MYO5C: variants seen among roughly 807,000 people sequenced by gnomAD.
The protein encoded by MYO5C is myosin VC.
Under a neutral mutation model 235.7 loss-of-function variants are expected in MYO5C, and 194 were observed. The ratio of observed to expected loss-of-function variants is 0.82; its 90% CI spans 0.73 to 0.93. MYO5C has a LOEUF of 0.93. Among genes scored for constraint, MYO5C ranks in the 40% least tolerant of loss-of-function variants. The probability of loss-of-function intolerance (pLI) is 0.00; values close to 1 mark genes in which losing one functional copy is unlikely to be tolerated. For missense variants in MYO5C, 2,038 were observed against 2,127.2 expected (o/e 0.96, Z 0.82); for synonymous variants, 707 against 754.8 (o/e 0.94, Z 1.04).
chr15:52,225,531 G>C lies in MYO5C; in HGVS notation c.3209C>G (p.Thr1070Arg). 6.2e-7 allele frequency: 1 copy of C among 1,606,490 alleles called. No homozygotes were observed. The highest frequency in any genetic ancestry group is 8.5e-7 in the Non-Finnish European group (1 of 1,173,906). ...TATCTCTTTTTCGAACTCAGAGATT[G>C]TCTGAATCACAGCAATGACGGAATC... ...EVARLSKQVK[T>R]ISEFEKEIEL... Residue 1070 changes from threonine (T) to arginine (R), a missense_variant and splice_region_variant, in exon 26 of 41, where the codon ACA becomes AGA. By Grantham distance (71) the Thr-to-Arg change is moderately conservative. Transcript: ENST00000261839.
At chr15:52,286,982 A>AACAC (rs2037290323) in intron 1 of MYO5C, among the ~76,000 whole-genome samples, 1 of 150,136 alleles carries the variant, frequency 6.7e-6, no homozygotes, top group Non-Finnish European at 1.5e-5. Context: ...AAAACTAACA[A>AACAC]ACAAACAAAC....
chr15:52,200,365 C>T (rs1454255366), intron 38 of MYO5C, among the ~76,000 whole-genome samples: 2 of 151,890 alleles, frequency 1.3e-5, no homozygotes, highest in Non-Finnish European at 2.9e-5. Flanking sequence ...ATCAGGAGTT[C>T]GAGACCAGCT....
At chr15:52,239,377 TC>T (rs918318107) in intron 21 of MYO5C, among the ~76,000 whole-genome samples, 5 of 152,216 alleles carry the variant, frequency 3.3e-5, no homozygotes, top group Non-Finnish European at 5.9e-5. Context: ...GCTGATGTCA[TC>T]CCAAGGCAGC....
At chr15:52,200,784 A>G (rs574358416) in intron 38 of MYO5C, among the ~76,000 whole-genome samples, 16 of 152,302 alleles carry the variant, frequency 1.1e-4, no homozygotes, top group African/African-American at 3.6e-4. Flanking sequence ...TCTAAAAAGT[A>G]AAGCCAAACT....
At chr15:52,229,401 G>C in intron 24 of MYO5C, 88 bp from the exon 25 acceptor site, 2 of 1,259,376 alleles carry the variant, frequency 1.6e-6, no homozygotes, top group Non-Finnish European at 2.2e-6. Flanking sequence ...AAGGCAGGCG[G>C]ATCCCTTGAG....
chr15:52,294,254 T>C (rs1223277927), intron 1 of MYO5C, among the ~76,000 whole-genome samples: 1 of 152,236 alleles, frequency 6.6e-6, no homozygotes, highest in Non-Finnish European at 1.5e-5. Flanking sequence ...TCCTCCAAAG[T>C]ATCGTCGAAG....
intron 29 of MYO5C, among the ~76,000 whole-genome samples, chr15:52,222,942 G>A (rs2035729262): frequency 6.6e-6 from 1 of 152,142 alleles, no homozygotes; most frequent in African/African-American, 2.4e-5. Context: ...ACGAGGTCAG[G>A]AGTTCGAGAC....
rs766685794 is a variant in MYO5C, at chr15:52,221,232, T to G, written c.3651A>C (p.Gln1217His). 3.7e-6 allele frequency: 6 copies of G among 1,612,674 alleles called. No individual in the cohort carries two copies. The South Asian group carries it at 5.5e-5, about 15-fold the overall frequency. The change falls in exon 30 of 41, where the codon CAA becomes CAC. Residue 1217 changes from glutamine to histidine, a missense_variant. Transcript: ENST00000261839. ...GCTTCTGTTTCTCCAATTCTGAAATTTGCTGTTTAAAGTCTGGGATCATCT... is the reference window on the plus strand; with the variant it reads ...GCTTCTGTTTCTCCAATTCTGAAATGTGCTGTTTAAAGTCTGGGATCATCT... ...ENMMIPDFKQQISELEKQKQD... is the reference protein window; with the variant it reads ...ENMMIPDFKQHISELEKQKQD...
At chr15:52,246,349 C>G (rs968306190) in intron 16 of MYO5C, among the ~76,000 whole-genome samples, 1 of 152,150 alleles carries the variant, frequency 6.6e-6, no homozygotes, top group East Asian at 1.9e-4. Context: ...GCTCGCCTGG[C>G]CCAAGCACCC....
intron 1 of MYO5C, among the ~76,000 whole-genome samples, chr15:52,287,216 G>A (rs2037295103): frequency 6.6e-6 from 1 of 152,154 alleles, no homozygotes. Context: ...TAAGTTTTGA[G>A]AGAACGAGAA....
At chr15:52,220,280 T>C (rs900092174) in intron 30 of MYO5C, among the ~76,000 whole-genome samples, 1 of 152,144 alleles carries the variant, frequency 6.6e-6, no homozygotes, top group Admixed American at 6.5e-5. Context: ...AAAATAGGAA[T>C]CTCTAGCAAT....
chr15:52,292,314 G>A (rs533477047), intron 1 of MYO5C, among the ~76,000 whole-genome samples: 71 of 152,306 alleles, frequency 4.7e-4, no homozygotes, highest in Middle Eastern at 3.4e-3. Context: ...CACTGTGTGC[G>A]GGGAAAAGGT....
At chr15:52,291,709 T>C (rs2037390309) in intron 1 of MYO5C, among the ~76,000 whole-genome samples, 1 of 151,076 alleles carries the variant, frequency 6.6e-6, no homozygotes, top group Non-Finnish European at 1.5e-5. Flanking sequence ...TGTGGTCTTT[T>C]TTCTTTGTTT....
In MYO5C at chr15:52,247,515, A is replaced by G. The variant is rs2036376046; in HGVS notation, c.1824T>C (p.Ser608=). 1 of 1,614,106 alleles carries G rather than the reference A, an allele frequency of 6.2e-7. No individual in the cohort carries two copies. Among genetic ancestry groups the G allele is most frequent in the African/African-American group, 1.3e-5 (1 of 74,928 alleles). The part of the protein sequence containing the change: ...SPFGSMITVK[S]AKQVIKPNSK... ...TGTTTGGCTTGATGACTTGCTTTGC[A>G]GATTTAACTGTAATCATTGAACCAA... Residue 608 remains serine, a synonymous_variant, in exon 15 of 41, where the codon TCT becomes TCC. Transcript: ENST00000261839.
At chr15:52,209,506 G>A (rs533310947) in intron 35 of MYO5C, among the ~76,000 whole-genome samples, 2 of 152,180 alleles carry the variant, frequency 1.3e-5, no homozygotes, top group Non-Finnish European at 2.9e-5. Flanking sequence ...GAGGTGGGGA[G>A]AGGCAGGTCC....
In MYO5C at chr15:52,242,197, C is replaced by CT. The variant is rs1340018968; in HGVS notation, c.2406dup (p.Val803SerfsTer56). ...GCTGCCCAAGCTTCTTTTAAGGCCA[C>CT]TGCAGTAATAGCTTTCCTTGGTTAA... is the stretch of plus-strand genomic sequence containing the variant. On this transcript the variant is annotated frameshift_variant, in exon 20 of 41. Transcript: ENST00000261839. LOFTEE classifies it high-confidence loss of function. 1 of 1,612,686 alleles carries CT rather than the reference C, an allele frequency of 6.2e-7. No individual in the cohort carries two copies. The highest frequency in any genetic ancestry group is 8.5e-7 in the Non-Finnish European group (1 of 1,179,256).
intron 38 of MYO5C, among the ~76,000 whole-genome samples, chr15:52,197,947 C>T (rs893828048): frequency 6.6e-6 from 1 of 151,954 alleles, no homozygotes; most frequent in Non-Finnish European, 1.5e-5. Context: ...GAACTATATA[C>T]TTTAAACAGG....
At chr15:52,210,204 T>C (rs1434044445) in intron 35 of MYO5C, among the ~76,000 whole-genome samples, 1 of 152,140 alleles carries the variant, frequency 6.6e-6, no homozygotes, top group African/African-American at 2.4e-5. Flanking sequence ...GCTCAAGCGA[T>C]CTACCTGCCT....
At chr15:52,265,628 T>C (rs1399569989) in intron 8 of MYO5C, among the ~76,000 whole-genome samples, 1 of 151,556 alleles carries the variant, frequency 6.6e-6, no homozygotes, top group Admixed American at 6.6e-5. Flanking sequence ...AGCCTCGACC[T>C]CCTAGGCTCA....
Sources: gnomAD v4.1 joint callset for allele counts (sites outside exome capture counted in the v4.1 genomes callset) on GRCh38, gnomAD v4.1.1 for gene constraint, MANE v1.5 for transcripts, NCBI Gene and HGNC (gene_info 2026-07-23, HGNC 2026-07-21) for gene names.